RSRC1: variants seen among roughly 807,000 people sequenced by gnomAD.
The protein encoded by RSRC1 is serine/Arginine-related protein 53.
A neutral mutation model predicts 49.1 loss-of-function variants in RSRC1; 39 were observed. The ratio of observed to expected loss-of-function variants is 0.79; its 90% CI spans 0.61 to 1.04. The LOEUF (loss-of-function observed/expected upper bound fraction) is 1.04, where lower values mean the gene tolerates loss of function less well. RSRC1 is among the 50% of genes least tolerant of loss of function. The pLI is 0.00. For synonymous variants in RSRC1, 143 were observed against 130.8 expected (o/e 1.09, Z -0.63); for missense variants, 388 against 402.4 (o/e 0.96, Z 0.31).
intron 6 of RSRC1, among the ~76,000 whole-genome samples, chr3:158,393,159 G>C (rs545589279): frequency 6.6e-6 from 1 of 152,080 alleles, no homozygotes; most frequent in East Asian, 1.9e-4. Context: ...CTGGGACATA[G>C]CTAAATCAGT....
intron 4 of RSRC1, among the ~76,000 whole-genome samples, chr3:158,270,303 A>G (rs1725434141): frequency 6.6e-6 from 1 of 152,198 alleles, no homozygotes; most frequent in Non-Finnish European, 1.5e-5. Flanking sequence ...GAAAGATCAA[A>G]CATTTCTACC....
At chr3:158,195,011 C>G (rs1352097086) in intron 3 of RSRC1, among the ~76,000 whole-genome samples, 1 of 151,986 alleles carries the variant, frequency 6.6e-6, no homozygotes, top group African/African-American at 2.4e-5. Context: ...GGGTATATAC[C>G]CAGTAATGGG....
intron 7 of RSRC1, among the ~76,000 whole-genome samples, chr3:158,493,624 G>A (rs1269760159): frequency 6.6e-6 from 1 of 152,106 alleles, no homozygotes; most frequent in African/African-American, 2.4e-5. Context: ...AAACCAGAAG[G>A]GGGTCAGAGA....
At chr3:158,161,404 A>G (rs1718210386) in intron 3 of RSRC1, among the ~76,000 whole-genome samples, 1 of 152,180 alleles carries the variant, frequency 6.6e-6, no homozygotes, top group South Asian at 2.1e-4. Flanking sequence ...TTCTGCCAAC[A>G]TTTCATTGGC....
At chr3:158,288,863 C>A (rs1040432514) in intron 4 of RSRC1, among the ~76,000 whole-genome samples, 1 of 112,738 alleles carries the variant, frequency 8.9e-6, no homozygotes, top group African/African-American at 3.4e-5. Context: ...TATTTTTGAT[C>A]TGTGGTTGGT....
At chr3:158,265,585 C>T (rs1246964596) in intron 4 of RSRC1, among the ~76,000 whole-genome samples, 2 of 151,644 alleles carry the variant, frequency 1.3e-5, no homozygotes, top group African/African-American at 2.4e-5. Flanking sequence ...GAGCTGAGAT[C>T]ATGCCATTGC....
intron 6 of RSRC1, among the ~76,000 whole-genome samples, chr3:158,358,825 A>G (rs1731306694): frequency 6.6e-6 from 1 of 151,788 alleles, no homozygotes; most frequent in Non-Finnish European, 1.5e-5. Flanking sequence ...TATTCTGGAT[A>G]TTTCATATAA....
chr3:158,171,124 T>C (rs944340496), intron 3 of RSRC1, among the ~76,000 whole-genome samples: 6 of 152,068 alleles, frequency 3.9e-5, no homozygotes, highest in African/African-American at 1.2e-4. Flanking sequence ...TGCATGTGAG[T>C]GGAGAGATTC....
intron 6 of RSRC1, among the ~76,000 whole-genome samples, chr3:158,404,181 A>G (rs539610437): frequency 3.3e-5 from 5 of 152,000 alleles, no homozygotes; most frequent in Non-Finnish European, 7.4e-5. Flanking sequence ...ATTTGTTGCT[A>G]TAATAAAATT....
At chr3:158,139,974 TG>T (rs1716644282) in intron 3 of RSRC1, among the ~76,000 whole-genome samples, 1 of 152,156 alleles carries the variant, frequency 6.6e-6, no homozygotes, top group Admixed American at 6.6e-5. Context: ...AAAATAAATA[TG>T]GGAAGGACAT....
intron 4 of RSRC1, among the ~76,000 whole-genome samples, chr3:158,208,072 A>G (rs1721448892): frequency 1.3e-5 from 2 of 152,178 alleles, no homozygotes; most frequent in South Asian, 4.1e-4. Context: ...GCCTTTCCTT[A>G]TAACACTGTG....
intron 3 of RSRC1, among the ~76,000 whole-genome samples, chr3:158,164,234 C>T (rs145086806): frequency 1.2e-3 from 178 of 152,002 alleles, no homozygotes; most frequent in Middle Eastern, 3.4e-3. Flanking sequence ...AATGAGCAAA[C>T]GCAAATTACA....
At chr3:158,240,933 C>T (rs1342284308) in intron 4 of RSRC1, among the ~76,000 whole-genome samples, 1 of 152,088 alleles carries the variant, frequency 6.6e-6, no homozygotes, top group African/African-American at 2.4e-5. Flanking sequence ...AGAAAAATCA[C>T]ATTTTTATAA....
At position 158,229,386 on chromosome 3, in the gene RSRC1, G is replaced by GTA. The variant is rs1382456752; in HGVS notation, c.494+26150_494+26151dup. Among the ~76,000 whole-genome samples, 39 of 85,920 alleles carry GTA rather than the reference G, an allele frequency of 4.5e-4. 2 individuals carry two copies. The highest frequency in any genetic ancestry group is 1.1e-3 in the African/African-American group (32 of 28,952). 56.4% of individuals were successfully genotyped at this position (85,920 alleles called of 152,430 possible). On this transcript the variant is annotated intron_variant, in intron 4 of 9. Transcript: ENST00000611884. ...TACACACGTATATGTGTATGTATGT[G>GTA]TATATATATACACATACACACGTAT...
chr3:158,157,685 G>A (rs1717958920), intron 3 of RSRC1, among the ~76,000 whole-genome samples: 2 of 152,298 alleles, frequency 1.3e-5, no homozygotes, highest in South Asian at 2.1e-4. Flanking sequence ...GGAGGCCAAG[G>A]CAGGCGGATC....
intron 4 of RSRC1, among the ~76,000 whole-genome samples, chr3:158,271,274 A>T (rs1037829464): frequency 6.6e-5 from 10 of 152,262 alleles, no homozygotes; most frequent in African/African-American, 1.9e-4. Flanking sequence ...TGATTTACAT[A>T]GGCAATATAT....
At chr3:158,420,788 C>A (rs1734999912) in intron 6 of RSRC1, among the ~76,000 whole-genome samples, 1 of 151,770 alleles carries the variant, frequency 6.6e-6, no homozygotes, top group African/African-American at 2.4e-5. Flanking sequence ...CTAAAACAAA[C>A]TTTATTGGTA....
At chr3:158,480,113 A>G (rs1738548768) in intron 7 of RSRC1, among the ~76,000 whole-genome samples, 1 of 152,054 alleles carries the variant, frequency 6.6e-6, no homozygotes, top group Admixed American at 6.6e-5. Context: ...TCATACAAAT[A>G]GGAAATGAGG....
chr3:158,520,866 T>C (rs1018404865), intron 7 of RSRC1, among the ~76,000 whole-genome samples: 3 of 152,146 alleles, frequency 2.0e-5, no homozygotes, highest in East Asian at 1.9e-4. Context: ...TTATAATCAG[T>C]CTTAGTCTTC....
Sources: allele counts gnomAD v4.1 joint callset (sites outside exome capture counted in the v4.1 genomes callset), GRCh38; gene constraint gnomAD v4.1.1; transcripts MANE v1.5; gene names NCBI Gene and HGNC (gene_info 2026-07-23, HGNC 2026-07-21).